The following CDKL3 variants were observed in gnomAD, a reference collection of about 807,000 sequenced individuals.
The protein encoded by CDKL3 is cyclin-dependent kinase-like 3.
A neutral mutation model predicts 69.3 loss-of-function variants in CDKL3; 65 were observed. That is an observed-to-expected ratio of 0.94 (90% confidence interval 0.77 to 1.15). The LOEUF (loss-of-function observed/expected upper bound fraction) is 1.15, where lower values mean the gene tolerates loss of function less well. Ranked by LOEUF, CDKL3 falls within the 50% of genes most tolerant of loss-of-function variation. CDKL3 has a pLI of 0.00. For synonymous variants in CDKL3, 202 were observed against 221.6 expected, an observed-to-expected ratio of 0.91 and a Z score of 0.79; for missense variants, 652 against 689.2, an observed-to-expected ratio of 0.95 and a Z score of 0.61.
intron 3 of CDKL3, among the ~76,000 whole-genome samples, chr5:134,359,442 G>A (rs918780772): frequency 2.6e-5 from 4 of 151,952 alleles, no homozygotes; most frequent in Admixed American, 6.6e-5. Context: ...GCCTCAAACC[G>A]CTCCGCCACT....
chr5:134,351,993 T>C (rs1753421796), intron 3 of CDKL3, among the ~76,000 whole-genome samples: 1 of 152,162 alleles, frequency 6.6e-6, no homozygotes, highest in African/African-American at 2.4e-5. Context: ...CTCTTGAACT[T>C]ATTCCTTCTT....
intron 8 of CDKL3, among the ~76,000 whole-genome samples, chr5:134,292,042 C>G (rs549094656): frequency 6.6e-6 from 1 of 152,142 alleles, no homozygotes; most frequent in Non-Finnish European, 1.5e-5. Context: ...AGGATTTCAA[C>G]AGTCTTCCCT....
intron 4 of CDKL3, among the ~76,000 whole-genome samples, chr5:134,344,269 T>A (rs1751262007): frequency 6.6e-6 from 1 of 152,164 alleles, no homozygotes; most frequent in Non-Finnish European, 1.5e-5. Context: ...ACCAAAAGCA[T>A]AGGCAACAAA....
At chr5:134,348,751 A>T (rs1048155635) in intron 4 of CDKL3, among the ~76,000 whole-genome samples, 18 of 152,192 alleles carry the variant, frequency 1.2e-4, no homozygotes, top group Admixed American at 1.2e-3. Flanking sequence ...GAGAGATCTT[A>T]TGCAGGCTAC....
chr5:134,318,018 G>A (rs981378539), intron 6 of CDKL3, among the ~76,000 whole-genome samples: 84 of 152,042 alleles, frequency 5.5e-4, no homozygotes, highest in African/African-American at 1.9e-3. Context: ...TCAGGACTTC[G>A]AGACCAGCCT....
chr5:134,353,577 G>C (rs1189035606), intron 3 of CDKL3, among the ~76,000 whole-genome samples: 1 of 142,582 alleles, frequency 7.0e-6, no homozygotes, highest in East Asian at 2.0e-4. Flanking sequence ...TTTTGAGACA[G>C]AGTCTCGCTT....
At chr5:134,290,369 A>AG (rs1244746667) in intron 8 of CDKL3, among the ~76,000 whole-genome samples, 1 of 151,658 alleles carries the variant, frequency 6.6e-6, no homozygotes, top group African/African-American at 2.4e-5. Context: ...AAAAAAAAAA[A>AG]AAAAAAAAAG....
At chr5:134,363,273 T>C (rs982016637) in intron 2 of CDKL3, among the ~76,000 whole-genome samples, 2 of 152,086 alleles carry the variant, frequency 1.3e-5, no homozygotes, top group African/African-American at 4.8e-5. Flanking sequence ...TCACTTTTCA[T>C]TGTCTAGAAA....
chr5:134,342,583 G>A (rs907722582), intron 4 of CDKL3, among the ~76,000 whole-genome samples: 2 of 150,688 alleles, frequency 1.3e-5, no homozygotes, highest in Admixed American at 6.6e-5. Flanking sequence ...CTGGGCGACA[G>A]AGCAAGACTC....
chr5:134,328,141 C>T (rs746851755), intron 4 of CDKL3, among the ~76,000 whole-genome samples: 1 of 152,122 alleles, frequency 6.6e-6, no homozygotes. Context: ...ATGACCCATA[C>T]ACCAGAAAAA....
At chr5:134,336,174 A>G (rs1777062782) in intron 4 of CDKL3, among the ~76,000 whole-genome samples, 1 of 152,156 alleles carries the variant, frequency 6.6e-6, no homozygotes, top group African/African-American at 2.4e-5. Flanking sequence ...CAGCTCCATC[A>G]GGTCATTTAA....
At chr5:134,285,158 G>A (rs577434898), downstream of CDKL3, among the ~76,000 whole-genome samples, 1 of 152,270 alleles carries the variant, frequency 6.6e-6, no homozygotes, top group East Asian at 1.9e-4. Flanking sequence ...TACCATTCTG[G>A]GGTCTGGAGG....
intron 8 of CDKL3, among the ~76,000 whole-genome samples, chr5:134,289,083 G>A (rs577160908): frequency 6.8e-6 from 1 of 147,590 alleles, no homozygotes; most frequent in South Asian, 2.1e-4. Flanking sequence ...GATTGCTTGA[G>A]CCCAGGAATT....
intron 3 of CDKL3, among the ~76,000 whole-genome samples, chr5:134,351,886 ATACT>A (rs1345343264): frequency 2.0e-5 from 3 of 152,222 alleles, no homozygotes; most frequent in African/African-American, 7.2e-5. Context: ...ATTACATCAC[ATACT>A]TATTTTGTGG....
chr5:134,338,307 C>G (rs1777585738), intron 4 of CDKL3, among the ~76,000 whole-genome samples: 1 of 151,946 alleles, frequency 6.6e-6, no homozygotes, highest in South Asian at 2.1e-4. Flanking sequence ...TGGAATTAAA[C>G]TAGTATAAAT....
At chr5:134,358,928 A>G (rs1260406174) in intron 3 of CDKL3, among the ~76,000 whole-genome samples, 1 of 152,154 alleles carries the variant, frequency 6.6e-6, no homozygotes, top group Non-Finnish European at 1.5e-5. Flanking sequence ...AGCACTATCT[A>G]CTGAGCACTT....
At chr5:134,343,227 T>G (rs367960330) in intron 4 of CDKL3, among the ~76,000 whole-genome samples, 1 of 148,758 alleles carries the variant, frequency 6.7e-6, no homozygotes, top group Non-Finnish European at 1.5e-5. Flanking sequence ...GGAAAGAAAG[T>G]GCGTTGCTGG....
At chr5:134,292,470 A>G (rs1265165049) in intron 8 of CDKL3, among the ~76,000 whole-genome samples, 1 of 152,148 alleles carries the variant, frequency 6.6e-6, no homozygotes, top group Non-Finnish European at 1.5e-5. Context: ...AAGGAAATTT[A>G]AAGTTTTAAA....
intron 8 of CDKL3, among the ~76,000 whole-genome samples, chr5:134,287,954 G>A (rs1764946321): frequency 6.6e-6 from 1 of 150,874 alleles, no homozygotes; most frequent in South Asian, 2.1e-4. Flanking sequence ...GAGTGCAATG[G>A]TGCAATCTCA....
Sources: allele counts gnomAD v4.1 joint callset (sites outside exome capture counted in the v4.1 genomes callset), GRCh38; gene constraint gnomAD v4.1.1; transcripts MANE v1.5; gene names NCBI Gene and HGNC (gene_info 2026-07-23, HGNC 2026-07-21).